Variants in SPAST observed in about 807,000 individuals in gnomAD.
SPAST encodes the protein spastin.
A neutral mutation model predicts 76.6 loss-of-function variants in SPAST; 30 were observed. That is an observed-to-expected ratio of 0.39 (90% CI 0.29 to 0.53). The LOEUF (loss-of-function observed/expected upper bound fraction) is 0.53, where lower values mean the gene tolerates loss of function less well. Among genes scored for constraint, SPAST ranks in the 20% least tolerant of loss-of-function variants. The pLI is 0.68. For synonymous variants in SPAST, 305 were observed against 281.0 expected, an observed-to-expected ratio of 1.09 and a Z score of -0.86; for missense variants, 717 against 770.5, an observed-to-expected ratio of 0.93 and a Z score of 0.82.
At chr2:32,096,060 C>G (rs1211147381) in intron 3 of SPAST, among the ~76,000 whole-genome samples, 1 of 152,202 alleles carries the variant, frequency 6.6e-6, no homozygotes, top group African/African-American at 2.4e-5. Context: ...GGTAAAGCAG[C>G]AAAGTTACTG....
At chr2:32,134,780 C>T in intron 9 of SPAST, among the ~76,000 whole-genome samples, 1 of 152,174 alleles carries the variant, frequency 6.6e-6, no homozygotes, top group East Asian at 1.9e-4. Flanking sequence ...ACTGCAACCT[C>T]CAACTCTCAG....
In SPAST at chr2:32,085,997, G is replaced by T. The variant is rs111380429; in HGVS notation, c.416-1495G>T. Among the ~76,000 whole-genome samples the T allele has an allele frequency of 4.5e-3, 677 of 152,000 alleles. 5 individuals carry two copies. Among genetic ancestry groups the T allele is most frequent in the Admixed American group, 6.6e-3 (100 of 15,242 alleles). On this transcript the variant is annotated intron_variant, in intron 1 of 16. Transcript: ENST00000315285. ...TCGGAGGTTGCAGTGAACCAAGATC[G>T]TGCCACTGCACTGCAGCCTGGGCTA...
rs12990057 is a variant in SPAST, at chr2:32,147,646, G to T, written c.1728+388G>T. On this transcript the variant is annotated intron_variant, in intron 16 of 16. Coordinates refer to ENST00000315285, the MANE Select transcript of SPAST (RefSeq NM_014946.4). Reference sequence around the variant, plus strand: ...TGTTTGTTTGTTTGTTTGTTTGTTTGTTTGAGACGGAGTCTCACTCTGTCG... The same window carrying T: ...TGTTTGTTTGTTTGTTTGTTTGTTTTTTTGAGACGGAGTCTCACTCTGTCG... Among the ~76,000 whole-genome samples, 493 of 150,562 alleles carry T rather than the reference G, an allele frequency of 3.3e-3. 1 individual carries two copies. The highest frequency in any genetic ancestry group is 9.6e-3 in the African/African-American group (391 of 40,890).
At chr2:32,077,891 T>C (rs1013805477) in intron 1 of SPAST, 15 of 152,216 alleles carry the variant, frequency 9.9e-5, no homozygotes, top group African/African-American at 3.6e-4. Flanking sequence ...CTAGCACTTT[T>C]GGAAGTTGAG....
Position 32,149,853 on chromosome 2 carries a change from G to A in SPAST, c.1728+2595G>A, listed in dbSNP as rs554986073. Among the ~76,000 whole-genome samples, 277 of 152,242 alleles carry A rather than the reference G, an allele frequency of 1.8e-3. 1 individual carries two copies. The highest frequency in any genetic ancestry group is 6.3e-3 in the African/African-American group (262 of 41,532). On this transcript the variant is annotated intron_variant, in intron 16 of 16. Transcript: ENST00000315285. ...TATCTATGGGGGAACCAATTTCCGA[G>A]AGATACTGAGGGACAGCTGTATATT...
chr2:32,081,790 A>AAAAAAAAAAAAAAAAAAAAAAAAAAAAAG (rs1677238363), intron 1 of SPAST, among the ~76,000 whole-genome samples: 1 of 148,056 alleles, frequency 6.8e-6, no homozygotes, highest in Non-Finnish European at 1.5e-5. Context: ...TCAAAAAAAA[A>AAAAAAAAAAAAAAAAAAAAAAAAAAAAAG]AAAAAAAAAA....
At chr2:32,114,925 T>C in intron 5 of SPAST, 100 bp downstream of exon 5, 1 of 845,620 alleles carries the variant, frequency 1.2e-6, no homozygotes, top group Non-Finnish European at 1.9e-6. Flanking sequence ...TTTATAATAC[T>C]TTAGAGAATG....
At chr2:32,116,539 C>T (rs1008611938) in intron 7 of SPAST, among the ~76,000 whole-genome samples, 2 of 152,124 alleles carry the variant, frequency 1.3e-5, no homozygotes, top group African/African-American at 2.4e-5. Context: ...GATCTTAGCT[C>T]ACTGCAACCT....
intron 4 of SPAST, among the ~76,000 whole-genome samples, chr2:32,110,753 T>TATAC: frequency 7.1e-6 from 1 of 140,972 alleles, no homozygotes; most frequent in African/African-American, 2.6e-5. Flanking sequence ...GTATATATAG[T>TATAC]ATAGTATATA....
chr2:32,146,851 C>CAAAAAAAAAAAAAAAAAAAAAAAAAAAAA (rs397984237), intron 15 of SPAST, among the ~76,000 whole-genome samples: 1 of 19,224 alleles, frequency 5.2e-5, no homozygotes, highest in Non-Finnish European at 1.1e-4. Context: ...GACTCTGTCT[C>CAAAAAAAAAAAAAAAAAAAAAAAAAAAAA]AAAAAAAAAA....
chr2:32,104,416 C>T (rs572862797), intron 4 of SPAST, among the ~76,000 whole-genome samples: 8 of 152,250 alleles, frequency 5.3e-5, no homozygotes, highest in Admixed American at 4.6e-4. Context: ...ATTTGCCAGT[C>T]TGTGTCTTTT....
intron 15 of SPAST, 26 bp downstream of exon 15, chr2:32,145,033 T>C: frequency 6.6e-7 from 1 of 1,519,956 alleles, no homozygotes. Flanking sequence ...CTTAAAACAT[T>C]TAGAACTATT....
chr2:32,111,788 A>G (rs1678618694), intron 4 of SPAST, among the ~76,000 whole-genome samples: 1 of 151,550 alleles, frequency 6.6e-6, no homozygotes, highest in Non-Finnish European at 1.5e-5. Context: ...GTGACAGGTC[A>G]CTTTTCTCAC....
At chr2:32,079,775 C>G (rs1358039661) in intron 1 of SPAST, among the ~76,000 whole-genome samples, 1 of 152,126 alleles carries the variant, frequency 6.6e-6, no homozygotes, top group African/African-American at 2.4e-5. Flanking sequence ...TTCACCATCT[C>G]TAACTCCTGG....
chr2:32,120,113 T>C (rs1243546323), intron 7 of SPAST, among the ~76,000 whole-genome samples: 3 of 152,076 alleles, frequency 2.0e-5, no homozygotes, highest in Non-Finnish European at 4.4e-5. Context: ...GCCTCCCAAG[T>C]AGCTGAGATT....
At chr2:32,064,425 C>T (rs1676428258) in intron 1 of SPAST, among the ~76,000 whole-genome samples, 179 bp downstream of exon 1, 1 of 152,164 alleles carries the variant, frequency 6.6e-6, no homozygotes, top group Non-Finnish European at 1.5e-5. Context: ...ATTCTTAAAA[C>T]CTCTCCCCTT....
At chr2:32,119,862 C>T (rs946495404) in intron 7 of SPAST, among the ~76,000 whole-genome samples, 7 of 152,110 alleles carry the variant, frequency 4.6e-5, no homozygotes, top group African/African-American at 1.7e-4. Flanking sequence ...TAGATCTCTT[C>T]TGTATCCTGT....
chr2:32,066,976 A>AG (rs1286138968), intron 1 of SPAST, among the ~76,000 whole-genome samples: 13 of 115,184 alleles, frequency 1.1e-4, no homozygotes, highest in Admixed American at 9.0e-4. Flanking sequence ...CTGTCTCAAA[A>AG]AAAAAAAAAA....
chr2:32,110,682 TA>T (rs1678541335), intron 4 of SPAST, among the ~76,000 whole-genome samples: 1 of 137,952 alleles, frequency 7.2e-6, no homozygotes, highest in Non-Finnish European at 1.5e-5. Flanking sequence ...ATATAGTGTA[TA>T]TATACTGTAT....
Sources: gnomAD v4.1 joint callset for allele counts (sites outside exome capture counted in the v4.1 genomes callset) on GRCh38, gnomAD v4.1.1 for gene constraint, MANE v1.5 for transcripts, NCBI Gene and HGNC (gene_info 2026-07-23, HGNC 2026-07-21) for gene names.